PAX5: variants seen among roughly 807,000 people sequenced by gnomAD.
PAX5 encodes the protein paired box 5.
A neutral mutation model predicts 43.7 loss-of-function variants in PAX5; 9 were observed. The observed-to-expected ratio is 0.21, with a 90% confidence interval of 0.12 to 0.36. The LOEUF is 0.36. PAX5 is among the 10% of genes least tolerant of loss of function. The pLI is 1.00. For synonymous variants in PAX5, 228 were observed against 214.3 expected (o/e 1.06, Z -0.56); for missense variants, 383 against 532.7 (o/e 0.72, Z 2.77).
At chr9:36,928,123 T>A (rs146452243) in intron 6 of PAX5, among the ~76,000 whole-genome samples, 3 of 152,342 alleles carry the variant, frequency 2.0e-5, no homozygotes, top group Admixed American at 2.0e-4. Flanking sequence ...GGGGAAGCTG[T>A]CATTTAGTTT....
Position 36,877,423 on chromosome 9 carries a change from G to A in PAX5, c.1012+4581C>T, listed in dbSNP as rs76161566. Among the ~76,000 whole-genome samples the A allele has an allele frequency of 7.9e-5, 12 of 152,226 alleles. No homozygotes were observed. In the East Asian group the frequency reaches 1.9e-3, roughly 24 times the overall value. On this transcript the variant is annotated intron_variant, in intron 8 of 9. Coordinates refer to ENST00000358127, the MANE Select transcript of PAX5 (RefSeq NM_016734.3). ...GCCGACAGTGGGGAAAAAACACCCC[G>A]AAGATTTTGGGATTCCCTCTAGATT...
intron 7 of PAX5, among the ~76,000 whole-genome samples, chr9:36,901,135 C>T (rs1357021543): frequency 6.6e-6 from 1 of 152,150 alleles, no homozygotes; most frequent in African/African-American, 2.4e-5. Context: ...TGTCAAGACC[C>T]CACAGAGATT....
intron 3 of PAX5, among the ~76,000 whole-genome samples, chr9:37,010,147 C>T (rs1298725627): frequency 1.3e-5 from 2 of 152,184 alleles, no homozygotes; most frequent in Non-Finnish European, 2.9e-5. Flanking sequence ...GCTGTCAAGA[C>T]TCATCCAATA....
intron 8 of PAX5, chr9:36,856,410 G>A (rs1341919692): frequency 1.3e-5 from 2 of 152,240 alleles, no homozygotes; most frequent in Non-Finnish European, 2.9e-5. Context: ...CTCCTGAGCG[G>A]CTTAGCTCCC....
chr9:37,005,646 A>G (rs1449463351), intron 4 of PAX5, among the ~76,000 whole-genome samples: 1 of 152,250 alleles, frequency 6.6e-6, no homozygotes, highest in East Asian at 1.9e-4. Flanking sequence ...GAATAACAAA[A>G]GTGTGGAAAT....
At chr9:36,856,213 G>C (rs990579438) in intron 8 of PAX5, among the ~76,000 whole-genome samples, 2 of 152,244 alleles carry the variant, frequency 1.3e-5, no homozygotes, top group Admixed American at 1.3e-4. Context: ...GCCCCTTTCA[G>C]AGTCAGAACA....
At chr9:36,965,045 C>A in intron 6 of PAX5, among the ~76,000 whole-genome samples, 1 of 152,106 alleles carries the variant, frequency 6.6e-6, no homozygotes, top group African/African-American at 2.4e-5. Flanking sequence ...CTGCCAGGCA[C>A]TTTCCCTCCA....
chr9:36,858,018 A>C (rs906124618), intron 8 of PAX5, among the ~76,000 whole-genome samples: 6 of 152,268 alleles, frequency 3.9e-5, no homozygotes, highest in Non-Finnish European at 5.9e-5. Context: ...GCAGCCAGTC[A>C]GTCCTGGCCA....
intron 7 of PAX5, chr9:36,922,691 C>T (rs1317164798): frequency 6.6e-6 from 1 of 152,374 alleles, no homozygotes; most frequent in Non-Finnish European, 1.5e-5. Context: ...TAATCCTCAC[C>T]ACAGCCCCCT....
chr9:36,926,843 A>C (rs1830680295), intron 6 of PAX5, among the ~76,000 whole-genome samples: 1 of 152,204 alleles, frequency 6.6e-6, no homozygotes, highest in Non-Finnish European at 1.5e-5. Context: ...CCTCACCCAC[A>C]AACACCAAGA....
intron 6 of PAX5, among the ~76,000 whole-genome samples, chr9:36,963,778 G>A (rs534690720): frequency 4.3e-4 from 66 of 152,278 alleles, no homozygotes; most frequent in African/African-American, 1.6e-3. Context: ...CGGAGTGTCT[G>A]TGTGAATAAG....
chr9:37,026,798 G>T, intron 1 of PAX5: 2 of 877,568 alleles, frequency 2.3e-6, no homozygotes, highest in East Asian at 1.2e-4. Flanking sequence ...GGCTAGGAGC[G>T]GGTGCCCAAC....
chr9:36,947,348 A>G (rs1832618128), intron 6 of PAX5, among the ~76,000 whole-genome samples: 1 of 152,230 alleles, frequency 6.6e-6, no homozygotes, highest in Admixed American at 6.5e-5. Flanking sequence ...GCTTTGGATC[A>G]AGTACCATTT....
intron 7 of PAX5, among the ~76,000 whole-genome samples, chr9:36,908,217 CT>C (rs1412868265): frequency 1.6e-3 from 223 of 141,456 alleles, no homozygotes; most frequent in Middle Eastern, 0.011. Context: ...AAAAAGAAGA[CT>C]TTTTTTTTTT....
At chr9:36,858,587 CTG>C (rs1823888004) in intron 8 of PAX5, among the ~76,000 whole-genome samples, 2 of 152,278 alleles carry the variant, frequency 1.3e-5, no homozygotes, top group Non-Finnish European at 2.9e-5. Flanking sequence ...GAGGCTTTTT[CTG>C]TGTTTGGGCA....
intron 8 of PAX5, among the ~76,000 whole-genome samples, chr9:36,878,848 C>G (rs960846466): frequency 6.6e-6 from 1 of 152,208 alleles, no homozygotes; most frequent in African/African-American, 2.4e-5. Flanking sequence ...AAGGGCTGTG[C>G]GGCTGAGCTT....
At chr9:36,909,714 G>C (rs1031927490) in intron 7 of PAX5, among the ~76,000 whole-genome samples, 16 of 151,948 alleles carry the variant, frequency 1.1e-4, no homozygotes, top group African/African-American at 3.9e-4. Context: ...TAGCTACAGG[G>C]GGCAACCACT....
At chr9:36,950,528 A>T (rs967971024) in intron 6 of PAX5, among the ~76,000 whole-genome samples, 2 of 152,124 alleles carry the variant, frequency 1.3e-5, no homozygotes, top group Non-Finnish European at 2.9e-5. Context: ...AGACACTCTC[A>T]GCGACAGAAG....
intron 5 of PAX5, among the ~76,000 whole-genome samples, chr9:36,987,786 C>T (rs1289652647): frequency 3.3e-5 from 5 of 152,202 alleles, no homozygotes; most frequent in Admixed American, 1.3e-4. Flanking sequence ...ATTAGGCCCC[C>T]AAACAGTTGT....
Sources: allele counts gnomAD v4.1 joint callset (sites outside exome capture counted in the v4.1 genomes callset), GRCh38; gene constraint gnomAD v4.1.1; transcripts MANE v1.5; gene names NCBI Gene and HGNC (gene_info 2026-07-23, HGNC 2026-07-21).